OPCML: variants seen among roughly 807,000 people sequenced by gnomAD.
The protein encoded by OPCML is opioid binding protein/cell adhesion molecule like.
OPCML carries 13 observed loss-of-function variants against 37.8 expected under a neutral mutation model. That is an observed-to-expected ratio of 0.34 (90% CI 0.22 to 0.55). The LOEUF (loss-of-function observed/expected upper bound fraction) is 0.55. Ranked by LOEUF, OPCML falls within the 20% of genes least tolerant of loss-of-function variation. The pLI is 0.91. For synonymous variants in OPCML, 176 were observed against 168.8 expected (o/e 1.04, Z -0.33); for missense variants, 341 against 435.6 (o/e 0.78, Z 1.93).
intron 2 of OPCML, among the ~76,000 whole-genome samples, chr11:132,939,436 G>T (rs544817931): frequency 6.6e-6 from 1 of 152,280 alleles, no homozygotes; most frequent in Middle Eastern, 3.4e-3. Context: ...AGCAAGCCTG[G>T]ATCAACAAAA....
chr11:132,999,563 T>TG (rs1335104774), intron 1 of OPCML, among the ~76,000 whole-genome samples: 8 of 128,564 alleles, frequency 6.2e-5, no homozygotes, highest in African/African-American at 2.8e-4. Flanking sequence ...AAGTGACAAA[T>TG]GGGGTCGGGG....
intron 1 of OPCML, among the ~76,000 whole-genome samples, chr11:133,049,296 C>A (rs1273111751): frequency 6.6e-6 from 1 of 152,214 alleles, no homozygotes; most frequent in African/African-American, 2.4e-5. Context: ...TTAGAAGACT[C>A]AGTGGCAACT....
At chr11:132,719,267 G>A (rs1944596523) in intron 2 of OPCML, among the ~76,000 whole-genome samples, 1 of 152,232 alleles carries the variant, frequency 6.6e-6, no homozygotes, top group Non-Finnish European at 1.5e-5. Flanking sequence ...TGTGAGTGGC[G>A]AAGGCACATC....
chr11:132,925,793 G>A (rs1337194184), intron 2 of OPCML, among the ~76,000 whole-genome samples: 1 of 152,162 alleles, frequency 6.6e-6, no homozygotes, highest in Non-Finnish European at 1.5e-5. Context: ...TTGATTTTCA[G>A]TGTGTTGAGG....
At chr11:133,529,202 G>A (rs1948550439) in intron 1 of OPCML, among the ~76,000 whole-genome samples, 1 of 152,154 alleles carries the variant, frequency 6.6e-6, no homozygotes, top group Admixed American at 6.5e-5. Context: ...GAAGGACCTG[G>A]GATGCTAGTT....
chr11:132,776,936 G>A (rs1946829220), intron 2 of OPCML, among the ~76,000 whole-genome samples: 1 of 152,058 alleles, frequency 6.6e-6, no homozygotes, highest in Non-Finnish European at 1.5e-5. Context: ...AGGGATCACT[G>A]CATTAGCCCC....
At chr11:132,714,759 C>A (rs116662504) in intron 2 of OPCML, among the ~76,000 whole-genome samples, 4 of 152,142 alleles carry the variant, frequency 2.6e-5, no homozygotes, top group African/African-American at 7.2e-5. Context: ...CAAGGACACA[C>A]CGGTTTTCCA....
chr11:132,962,656 G>A (rs528355942), intron 1 of OPCML, among the ~76,000 whole-genome samples: 5 of 152,276 alleles, frequency 3.3e-5, no homozygotes, highest in Middle Eastern at 3.4e-3. Flanking sequence ...TTAAAACCAT[G>A]TTTCCCACCG....
chr11:133,410,368 T>G (rs1945619782), intron 1 of OPCML, among the ~76,000 whole-genome samples: 1 of 152,172 alleles, frequency 6.6e-6, no homozygotes, highest in African/African-American at 2.4e-5. Flanking sequence ...CACTTATTTT[T>G]GGGTGAACCC....
chr11:132,590,655 C>T (rs537581596), intron 3 of OPCML, among the ~76,000 whole-genome samples: 6 of 152,222 alleles, frequency 3.9e-5, no homozygotes, highest in Non-Finnish European at 5.9e-5. Flanking sequence ...CCTAGGTTTT[C>T]GTGACTCCAA....
chr11:133,000,563 T>C (rs1270242907), intron 1 of OPCML, among the ~76,000 whole-genome samples: 1 of 152,184 alleles, frequency 6.6e-6, no homozygotes, highest in Non-Finnish European at 1.5e-5. Flanking sequence ...TAATGTATAA[T>C]TGCAGCTGGG....
At chr11:133,190,393 G>A (rs941918011) in intron 1 of OPCML, among the ~76,000 whole-genome samples, 18 of 152,040 alleles carry the variant, frequency 1.2e-4, no homozygotes, top group African/African-American at 4.3e-4. Flanking sequence ...CCATCACCAT[G>A]AATTCCTGTT....
intron 1 of OPCML, among the ~76,000 whole-genome samples, chr11:133,029,515 T>C (rs1947626647): frequency 6.6e-6 from 1 of 152,302 alleles, no homozygotes; most frequent in Non-Finnish European, 1.5e-5. Context: ...GTGCTACATA[T>C]ACACCATGAA....
chr11:132,933,611 C>CAG (rs753926369), intron 2 of OPCML, among the ~76,000 whole-genome samples: 14 of 151,968 alleles, frequency 9.2e-5, no homozygotes, highest in African/African-American at 2.9e-4. Context: ...AGAGAAGAAA[C>CAG]AGAGAGAGAG....
intron 1 of OPCML, among the ~76,000 whole-genome samples, chr11:133,209,898 T>G (rs1939281962): frequency 6.6e-6 from 1 of 152,220 alleles, no homozygotes; most frequent in South Asian, 2.1e-4. Flanking sequence ...ACTTCCATAA[T>G]GAACATGACT....
chr11:133,055,601 C>T (rs973427474), intron 1 of OPCML, among the ~76,000 whole-genome samples: 8 of 143,862 alleles, frequency 5.6e-5, no homozygotes, highest in South Asian at 2.3e-4. Flanking sequence ...CCGCCTCTAC[C>T]GTACAATGCT....
At chr11:133,456,570 G>A (rs1259677136) in intron 1 of OPCML, among the ~76,000 whole-genome samples, 1 of 151,912 alleles carries the variant, frequency 6.6e-6, no homozygotes, top group East Asian at 1.9e-4. Context: ...AATCATCCCT[G>A]AAGAAAAATA....
chr11:133,007,656 T>C, intron 1 of OPCML: 1 of 985,430 alleles, frequency 1.0e-6, no homozygotes, highest in Non-Finnish European at 1.2e-6. Flanking sequence ...CTTTCAGTCT[T>C]TTATTGAAAT....
chr11:132,833,098 TTCTTCAATAATAAACTAA>T (rs1463048013), intron 2 of OPCML, among the ~76,000 whole-genome samples: 1 of 152,122 alleles, frequency 6.6e-6, no homozygotes, highest in Non-Finnish European at 1.5e-5. Flanking sequence ...TAAATTTTCT[TTCTTCAATAATAAACTAA>T]TCTTCGCATT....
Sources: gnomAD v4.1 joint callset for allele counts (sites outside exome capture counted in the v4.1 genomes callset) on GRCh38, gnomAD v4.1.1 for gene constraint, MANE v1.5 for transcripts, NCBI Gene and HGNC (gene_info 2026-07-23, HGNC 2026-07-21) for gene names.